Variants in RTTN observed in about 807,000 individuals in gnomAD.
The protein encoded by RTTN is rotatin.
In RTTN, 182 loss-of-function variants were observed where a neutral mutation model predicts 269.2. The ratio of observed to expected loss-of-function variants is 0.68; its 90% CI spans 0.60 to 0.76. The LOEUF (loss-of-function observed/expected upper bound fraction) is 0.76. Among genes scored for constraint, RTTN ranks in the 30% least tolerant of loss-of-function variants. The probability of loss-of-function intolerance (pLI) is 0.00; values close to 1 mark genes in which losing one functional copy is unlikely to be tolerated. For missense variants in RTTN, 2,545 were observed against 2,608.6 expected, an observed-to-expected ratio of 0.98 and a Z score of 0.53; for synonymous variants, 1,006 against 963.5, an observed-to-expected ratio of 1.04 and a Z score of -0.82.
intron 10 of RTTN, among the ~76,000 whole-genome samples, chr18:70,184,165 GA>G (rs2146038014): frequency 6.6e-6 from 1 of 152,328 alleles, no homozygotes; most frequent in South Asian, 2.1e-4. Flanking sequence ...TCCATAAAGA[GA>G]AAAGTCAGCC....
chr18:70,192,460 C>G (rs917107618), intron 8 of RTTN, among the ~76,000 whole-genome samples: 2 of 152,024 alleles, frequency 1.3e-5, no homozygotes, highest in Admixed American at 6.6e-5. Context: ...ATGGGAAGAT[C>G]ACTTGAGCCC....
At chr18:70,197,282 C>A (rs925162052) in intron 6 of RTTN, among the ~76,000 whole-genome samples, 2 of 152,110 alleles carry the variant, frequency 1.3e-5, no homozygotes, top group African/African-American at 4.8e-5. Context: ...TAGCACTGTG[C>A]GTTAAATAAA....
chr18:70,099,716 C>T (rs2059105589), intron 28 of RTTN, among the ~76,000 whole-genome samples: 2 of 152,188 alleles, frequency 1.3e-5, no homozygotes, highest in South Asian at 4.2e-4. Flanking sequence ...GGTTTTAGGT[C>T]TAACATTTAA....
chr18:70,087,562 A>G (rs1214158001), intron 31 of RTTN, among the ~76,000 whole-genome samples: 2 of 152,174 alleles, frequency 1.3e-5, no homozygotes, highest in African/African-American at 2.4e-5. Context: ...ATAAAAAAAA[A>G]CCACAAGCTA....
intron 34 of RTTN, among the ~76,000 whole-genome samples, 170 bp downstream of exon 34, chr18:70,073,736 T>C (rs1268763520): frequency 6.6e-6 from 1 of 152,188 alleles, no homozygotes; most frequent in African/African-American, 2.4e-5. Context: ...CTATAATGTA[T>C]GACTGATGTG....
At chr18:70,064,965 T>A (rs952938178) in intron 35 of RTTN, among the ~76,000 whole-genome samples, 3 of 152,036 alleles carry the variant, frequency 2.0e-5, no homozygotes, top group Admixed American at 1.3e-4. Flanking sequence ...ATAATCTGAG[T>A]TTGCTCCTTT....
intron 32 of RTTN, among the ~76,000 whole-genome samples, chr18:70,085,064 A>T (rs781137196): frequency 6.6e-6 from 1 of 152,202 alleles, no homozygotes; most frequent in African/African-American, 2.4e-5. Flanking sequence ...TACATCACCA[A>T]GTATATCCAT....
intron 34 of RTTN, among the ~76,000 whole-genome samples, chr18:70,072,326 T>G (rs1460770332): frequency 6.6e-6 from 1 of 152,138 alleles, no homozygotes; most frequent in Non-Finnish European, 1.5e-5. Flanking sequence ...AAAATTCTTT[T>G]AAAAAAACTG....
At chr18:70,075,596 T>C in intron 32 of RTTN, 55 bp from the exon 33 acceptor site, 1 of 1,390,706 alleles carries the variant, frequency 7.2e-7, no homozygotes, top group Admixed American at 2.7e-5. Flanking sequence ...ACAATTTCCT[T>C]AAAAAGATCC....
chr18:70,176,477 T>C (rs1449153815), intron 11 of RTTN, among the ~76,000 whole-genome samples, 198 bp downstream of exon 11: 9 of 152,294 alleles, frequency 5.9e-5, no homozygotes, highest in Middle Eastern at 3.4e-3. Context: ...TAATTTCCCA[T>C]CAAATGATTT....
intron 29 of RTTN, 62 bp downstream of exon 29, chr18:70,092,614 T>C (rs2058880807): frequency 6.4e-7 from 1 of 1,564,840 alleles, no homozygotes; most frequent in African/African-American, 1.4e-5. Flanking sequence ...TGAAATGTGT[T>C]GGACACAGCA....
chr18:70,127,631 T>C lies in RTTN; in HGVS notation c.3254A>G (p.His1085Arg), dbSNP rs774089713. 2 of 1,613,532 alleles carry C rather than the reference T, an allele frequency of 1.2e-6. No individual in the cohort carries two copies. Among genetic ancestry groups the C allele is most frequent in the Non-Finnish European group, 1.7e-6 (2 of 1,179,754 alleles). The stretch of plus-strand genomic sequence containing the variant: ...GGTGACAGCAGCCCTAACTTCCCTG[T>C]GGGTTGCAGCCTGAACAATGGAATG... ...CLHSIVQAAT[H>R]REVRAAVTRM... is the part of the protein sequence containing the mutation. The change falls in exon 25 of 49, where the codon CAC becomes CGC. Residue 1085 changes from histidine (H) to arginine (R), a missense_variant. Transcript: ENST00000640769.
In RTTN at chr18:70,195,291, T is replaced by C. The variant is rs192659553; in HGVS notation, c.841+1210A>G. 2.3e-3 allele frequency among the ~76,000 whole-genome samples: 347 copies of C among 152,364 alleles called. 7 individuals are homozygous for C. Among genetic ancestry groups the C allele is most frequent in the Non-Finnish European group, 3.8e-4 (26 of 68,040 alleles). On this transcript the variant is annotated intron_variant, in intron 7 of 48. Transcript: ENST00000640769. ...TGACGATTCCTTGTCACCCTTCAGG[T>C]CACCTCCTCTGAGGGACTTTCTCTG...
chr18:70,205,119 T>C lies in RTTN; in HGVS notation c.219+9A>G, dbSNP rs776232757. The C allele has an allele frequency of 2.5e-6, 4 of 1,607,410 alleles. No individual in the cohort carries two copies. In the South Asian group the frequency reaches 3.3e-5, roughly 13 times the overall value. ...TCTGATTATTTTCTTTATTTCAAAA[T>C]GACCCTACCTTAACCAATCTGCTTA... On this transcript the variant is annotated intron_variant, in intron 2 of 48. Coordinates refer to ENST00000640769, the MANE Select transcript of RTTN (RefSeq NM_173630.4).
At chr18:70,119,679 A>C (rs981277032) in intron 26 of RTTN, among the ~76,000 whole-genome samples, 1 of 152,216 alleles carries the variant, frequency 6.6e-6, no homozygotes, top group Non-Finnish European at 1.5e-5. Context: ...GCACCTCTAC[A>C]ATTTGACTCA....
chr18:70,050,299 T>C (rs959633547), intron 39 of RTTN, among the ~76,000 whole-genome samples: 1 of 152,188 alleles, frequency 6.6e-6, no homozygotes, highest in Admixed American at 6.5e-5. Context: ...ATGACATTTA[T>C]GCGGCCGACA....
chr18:70,186,528 CA>C (rs1249293702), intron 10 of RTTN, among the ~76,000 whole-genome samples: 1 of 152,086 alleles, frequency 6.6e-6, no homozygotes, highest in Non-Finnish European at 1.5e-5. Flanking sequence ...CCAAGGCAGG[CA>C]GATCACTTGA....
intron 14 of RTTN, among the ~76,000 whole-genome samples, chr18:70,156,350 C>A (rs998590644): frequency 3.9e-5 from 6 of 152,132 alleles, no homozygotes; most frequent in African/African-American, 1.4e-4. Context: ...CGCTCCCAGG[C>A]TTACTAGGAA....
At chr18:70,030,284 AT>A (rs1261834883) in intron 41 of RTTN, among the ~76,000 whole-genome samples, 175 bp from the exon 42 acceptor site, 1 of 152,234 alleles carries the variant, frequency 6.6e-6, no homozygotes, top group Non-Finnish European at 1.5e-5. Flanking sequence ...GAGAACTAAA[AT>A]GCTGAAGTCC....
Sources: gnomAD v4.1 joint callset for allele counts (sites outside exome capture counted in the v4.1 genomes callset) on GRCh38, gnomAD v4.1.1 for gene constraint, MANE v1.5 for transcripts, NCBI Gene and HGNC (gene_info 2026-07-23, HGNC 2026-07-21) for gene names.